The following DENND1B variants were observed in gnomAD, a reference collection of about 807,000 sequenced individuals.
DENND1B encodes the protein DENN domain containing 1B, also known as DENN domain-containing protein 1B.
DENND1B carries 59 observed loss-of-function variants against 90.1 expected under a neutral mutation model. The ratio of observed to expected loss-of-function variants is 0.65; its 90% CI spans 0.53 to 0.81. The LOEUF (loss-of-function observed/expected upper bound fraction) is 0.81. DENND1B is among the 40% of genes least tolerant of loss of function. The pLI is 0.00. For synonymous variants in DENND1B, 337 were observed against 324.6 expected (o/e 1.04, Z -0.41); for missense variants, 862 against 912.6 (o/e 0.94, Z 0.71).
At chr1:197,727,531 T>A in intron 2 of DENND1B, among the ~76,000 whole-genome samples, 1 of 149,134 alleles carries the variant, frequency 6.7e-6, no homozygotes. Flanking sequence ...TGAGACTCCT[T>A]CTCAAAAAAA....
At chr1:197,761,834 G>A (rs1655088523) in intron 2 of DENND1B, 1 of 151,466 alleles carries the variant, frequency 6.6e-6, no homozygotes. Context: ...AACTGAAAAA[G>A]GAAAAGGCTC....
chr1:197,524,913 C>G lies in DENND1B; in HGVS notation c.1516-11960G>C, dbSNP rs77096172. On this transcript the variant is annotated intron_variant, in intron 20 of 22. Transcript: ENST00000620048. ...TGAGAAATCAGAACTGACCCCTTTACAGACTGCTTTTACTGAACACAGATT... is the reference window on the plus strand; with the variant it reads ...TGAGAAATCAGAACTGACCCCTTTAGAGACTGCTTTTACTGAACACAGATT... 2.5e-3 allele frequency among the ~76,000 whole-genome samples: 385 copies of G among 152,296 alleles called. 3 individuals are homozygous for G. The highest frequency in any genetic ancestry group is 8.4e-3 in the African/African-American group (349 of 41,574).
intron 2 of DENND1B, among the ~76,000 whole-genome samples, chr1:197,745,464 C>G (rs1015691419): frequency 6.6e-6 from 1 of 151,912 alleles, no homozygotes; most frequent in Admixed American, 6.6e-5. Context: ...AGAGATGGGG[C>G]AACAGCTGGT....
At chr1:197,635,505 T>G (rs1679705632) in intron 10 of DENND1B, among the ~76,000 whole-genome samples, 1 of 151,832 alleles carries the variant, frequency 6.6e-6, no homozygotes, top group South Asian at 2.1e-4. Context: ...CCCAGCTAAT[T>G]TTCTTAATTT....
chr1:197,523,003 C>A lies in DENND1B; in HGVS notation c.1516-10050G>T, dbSNP rs566123244. Among the ~76,000 whole-genome samples, 4 of 152,142 alleles carry A rather than the reference C, an allele frequency of 2.6e-5. No homozygotes were observed. In the South Asian group the frequency reaches 8.3e-4, roughly 32 times the overall value. On this transcript the variant is annotated intron_variant, in intron 20 of 22. Transcript: ENST00000620048. ...CAAGCTCTTTTCCATATGTAAATTT[C>A]TTTAATTTTATTTCCAATTGAGGTA...
chr1:197,700,015 C>G (rs746401422), intron 3 of DENND1B, among the ~76,000 whole-genome samples: 1 of 152,148 alleles, frequency 6.6e-6, no homozygotes, highest in Non-Finnish European at 1.5e-5. Context: ...GAATCAATAT[C>G]ATGAAGATGG....
rs116080828 is a variant in DENND1B at position 197,579,038 on chromosome 1, T to C, written c.1149+4114A>G. ...AGATAGGTCCACCAATTAGATTATC[T>C]AGAATAGCTTTCCAAGTGATTCAGA... On this transcript the variant is annotated intron_variant, in intron 15 of 22. Transcript: ENST00000620048. Among the ~76,000 whole-genome samples the C allele has an allele frequency of 6.0e-3, 919 of 152,334 alleles. 11 individuals are homozygous for C. The highest frequency in any genetic ancestry group is 0.021 in the African/African-American group (890 of 41,576).
intron 10 of DENND1B, among the ~76,000 whole-genome samples, chr1:197,632,029 T>G (rs945945975): frequency 6.6e-6 from 1 of 152,106 alleles, no homozygotes; most frequent in African/African-American, 2.4e-5. Flanking sequence ...CCTGGAAATG[T>G]TTCTAAAACC....
chr1:197,753,462 C>T (rs1330405773), intron 2 of DENND1B, among the ~76,000 whole-genome samples: 1 of 151,998 alleles, frequency 6.6e-6, no homozygotes, highest in Non-Finnish European at 1.5e-5. Context: ...CTGTTTGATA[C>T]TATAATGGGG....
Position 197,652,193 on chromosome 1 carries a change from A to G in DENND1B, c.447+42T>C, listed in dbSNP as rs1653294160. On this transcript the variant is annotated intron_variant, in intron 7 of 22. Coordinates refer to ENST00000620048, the MANE Select transcript of DENND1B (RefSeq NM_001195215.2). ...CACGTGCTCTTAACGAAATTGAGACATAGCTATGACTCCCAAAAACAATTA... is the reference window on the plus strand; with the variant it reads ...CACGTGCTCTTAACGAAATTGAGACGTAGCTATGACTCCCAAAAACAATTA... 3.2e-6 allele frequency: 5 copies of G among 1,551,000 alleles called. 1 individual carries two copies. In the East Asian group the frequency reaches 9.2e-5, roughly 28 times the overall value.
chr1:197,719,921 T>C (rs925837561), intron 2 of DENND1B, among the ~76,000 whole-genome samples: 5 of 152,170 alleles, frequency 3.3e-5, no homozygotes, highest in African/African-American at 4.8e-5. Flanking sequence ...AGAAATAAGA[T>C]GACATAAATA....
At chr1:197,754,037 T>C (rs1391258873) in intron 2 of DENND1B, among the ~76,000 whole-genome samples, 2 of 151,566 alleles carry the variant, frequency 1.3e-5, no homozygotes, top group Non-Finnish European at 2.9e-5. Flanking sequence ...ATAAAATAAA[T>C]TCTATTTTTA....
chr1:197,606,217 T>C (rs1676667112), intron 13 of DENND1B: 1 of 151,104 alleles, frequency 6.6e-6, no homozygotes, highest in South Asian at 2.1e-4. Context: ...TTGGAGACTA[T>C]TTAACGTGAC....
intron 11 of DENND1B, among the ~76,000 whole-genome samples, chr1:197,615,339 T>C (rs1238684446): frequency 6.6e-6 from 1 of 151,030 alleles, no homozygotes; most frequent in East Asian, 2.0e-4. Context: ...AGATGCGATA[T>C]CCATCCATGG....
chr1:197,563,238 A>G (rs1222194241), intron 15 of DENND1B, among the ~76,000 whole-genome samples: 1 of 152,018 alleles, frequency 6.6e-6, no homozygotes, highest in African/African-American at 2.4e-5. Context: ...TTGGAAGAAG[A>G]TATCATCCAC....
intron 2 of DENND1B, among the ~76,000 whole-genome samples, chr1:197,728,587 C>T (rs1027197097): frequency 1.3e-5 from 2 of 152,140 alleles, no homozygotes; most frequent in Admixed American, 6.5e-5. Context: ...TAATCAGCTG[C>T]CTAACCATGT....
At chr1:197,696,177 T>C (rs114979698) in intron 3 of DENND1B, among the ~76,000 whole-genome samples, 4,027 of 151,546 alleles carry the variant, frequency 0.027, 74 homozygotes, top group Middle Eastern at 0.078. Flanking sequence ...TGCCTGCCAT[T>C]CATTCCTATG....
At chr1:197,761,435 A>G (rs116757357) in intron 2 of DENND1B, among the ~76,000 whole-genome samples, 3,734 of 152,268 alleles carry the variant, frequency 0.025, 148 homozygotes, top group African/African-American at 0.085. Context: ...ATTTTAATGC[A>G]TAGACCTTGA....
intron 15 of DENND1B, among the ~76,000 whole-genome samples, chr1:197,581,673 C>T (rs193168292): frequency 6.6e-6 from 1 of 152,250 alleles, no homozygotes; most frequent in African/African-American, 2.4e-5. Flanking sequence ...AAAAAGTAAA[C>T]TCTTCTGTAA....
Sources: gnomAD v4.1 joint callset for allele counts (sites outside exome capture counted in the v4.1 genomes callset) on GRCh38, gnomAD v4.1.1 for gene constraint, MANE v1.5 for transcripts, NCBI Gene and HGNC (gene_info 2026-07-23, HGNC 2026-07-21) for gene names.